The following TMEM131L variants were observed in gnomAD, a reference collection of about 807,000 sequenced individuals.
The protein encoded by TMEM131L is transmembrane 131 like.
TMEM131L carries 54 observed loss-of-function variants against 192.2 expected under a neutral mutation model. The observed-to-expected ratio is 0.28, with a 90% CI of 0.23 to 0.35. The LOEUF is 0.35. TMEM131L is among the 10% of genes least tolerant of loss of function. The pLI is 1.00. For synonymous variants in TMEM131L, 701 were observed against 704.9 expected (o/e 0.99, Z 0.09); for missense variants, 1,888 against 1,972.9 (o/e 0.96, Z 0.82).
chr4:153,635,413 A>G lies in TMEM131L; in HGVS notation c.4418-19A>G. ...AATGAAAATGTTTACCTATGATGAT[A>G]TTCTCCCATTCTTTGTAGAAAACAT... On this transcript the variant is annotated intron_variant, in intron 33 of 34. Coordinates refer to ENST00000409959, the MANE Select transcript of TMEM131L (RefSeq NM_001131007.2). The G allele has an allele frequency of 2.5e-6, 4 of 1,611,524 alleles. No individual in the cohort carries two copies. In the South Asian group the frequency reaches 4.4e-5, roughly 18 times the overall value.
chr4:153,500,148 T>C (rs1352352112), intron 3 of TMEM131L, among the ~76,000 whole-genome samples: 1 of 151,730 alleles, frequency 6.6e-6, no homozygotes, highest in African/African-American at 2.4e-5. Context: ...TTACCCAGGC[T>C]GGAGTGCAAT....
chr4:153,635,430 A>G lies in TMEM131L; in HGVS notation c.4418-2A>G. ...ATGATGATATTCTCCCATTCTTTGT[A>G]GAAAACATGAACTATGCCAATGGCT... On this transcript the variant is annotated splice_acceptor_variant, in intron 33 of 34. Transcript: ENST00000409959. LOFTEE classifies it high-confidence loss of function. The G allele has an allele frequency of 6.2e-7, 1 of 1,613,444 alleles. No homozygotes were observed. The highest frequency in any genetic ancestry group is 8.5e-7 in the Non-Finnish European group (1 of 1,179,498).
At chr4:153,627,778 G>A (rs1021380918) in intron 31 of TMEM131L, 91 bp downstream of exon 31, 13 of 1,075,390 alleles carry the variant, frequency 1.2e-5, no homozygotes, top group Middle Eastern at 2.0e-4. Flanking sequence ...CAGAGCAGGC[G>A]GGGTGGGACA....
intron 15 of TMEM131L, among the ~76,000 whole-genome samples, chr4:153,588,435 CCAGTTATAAACA>C (rs2150807270): frequency 6.7e-6 from 1 of 149,638 alleles, no homozygotes; most frequent in South Asian, 2.1e-4. Context: ...GAACAATAGA[CCAGTTATAAACA>C]TGCATCTTCT....
chr4:153,546,918 ACT>A (rs1326749304), intron 3 of TMEM131L, among the ~76,000 whole-genome samples: 1 of 152,158 alleles, frequency 6.6e-6, no homozygotes, highest in African/African-American at 2.4e-5. Flanking sequence ...CAAGAGTGAA[ACT>A]CTGTCTCAAA....
In TMEM131L at chr4:153,518,451, T is replaced by C. The variant is rs567817463; in HGVS notation, c.240-31622T>C. 2.0e-5 allele frequency among the ~76,000 whole-genome samples: 3 copies of C among 152,236 alleles called. No individual in the cohort carries two copies. The South Asian group carries it at 6.2e-4, about 32-fold the overall frequency. On this transcript the variant is annotated intron_variant, in intron 3 of 34. Transcript: ENST00000409959. ...GGCCTATGAAAATAAGATGCAGACA[T>C]CATACTTGAGAAACTGTTAATGGAA... is the stretch of plus-strand genomic sequence containing the variant.
chr4:153,530,205 G>A (rs770550755), intron 3 of TMEM131L, among the ~76,000 whole-genome samples: 4 of 152,102 alleles, frequency 2.6e-5, no homozygotes, highest in South Asian at 2.1e-4. Flanking sequence ...TCTTGGTAAC[G>A]TGATTATCAG....
At chr4:153,601,803 G>A (rs1464916070) in intron 21 of TMEM131L, among the ~76,000 whole-genome samples, 2 of 152,194 alleles carry the variant, frequency 1.3e-5, no homozygotes, top group Non-Finnish European at 2.9e-5. Flanking sequence ...GTGGCTTATA[G>A]TAAGTAAATC....
chr4:153,495,495 C>T (rs1193349643), intron 3 of TMEM131L, among the ~76,000 whole-genome samples: 1 of 152,018 alleles, frequency 6.6e-6, no homozygotes, highest in Non-Finnish European at 1.5e-5. Flanking sequence ...GCTTCCAGGT[C>T]ATAGGTGGGT....
chr4:153,539,379 A>C (rs1025496893), intron 3 of TMEM131L, among the ~76,000 whole-genome samples: 2 of 152,104 alleles, frequency 1.3e-5, no homozygotes, highest in African/African-American at 4.8e-5. Context: ...AGTAAATTAT[A>C]CTTTATGGGC....
At position 153,563,146 on chromosome 4, in the gene TMEM131L, T is replaced by A. The variant is rs373104891; in HGVS notation, c.660+4778T>A. Among the ~76,000 whole-genome samples the A allele has an allele frequency of 2.4e-4, 36 of 152,236 alleles. No individual in the cohort carries two copies. The East Asian group carries it at 6.6e-3, about 28-fold the overall frequency. On this transcript the variant is annotated intron_variant, in intron 7 of 34. Coordinates refer to ENST00000409959, the MANE Select transcript of TMEM131L (RefSeq NM_001131007.2). ...CCCTGAACATAAATAGTCTGGAAGG[T>A]GAAGGTTCCAAAATTTGCAGGTACT...
At chr4:153,489,767 C>T (rs528383917) in intron 3 of TMEM131L, among the ~76,000 whole-genome samples, 10 of 152,114 alleles carry the variant, frequency 6.6e-5, no homozygotes, top group Non-Finnish European at 1.0e-4. Flanking sequence ...TGAGCCACTG[C>T]GCCTGGCCCA....
At chr4:153,613,079 A>G (rs1295055235) in intron 26 of TMEM131L, among the ~76,000 whole-genome samples, 1 of 152,242 alleles carries the variant, frequency 6.6e-6, no homozygotes, top group Non-Finnish European at 1.5e-5. Context: ...AAATGTAAAC[A>G]AAGAATATTG....
At chr4:153,484,885 C>T (rs1324962547) in intron 3 of TMEM131L, among the ~76,000 whole-genome samples, 5 of 143,882 alleles carry the variant, frequency 3.5e-5, no homozygotes, top group Non-Finnish European at 4.6e-5. Flanking sequence ...TTTGGGAGGC[C>T]GAGGCGGGCG....
intron 3 of TMEM131L, among the ~76,000 whole-genome samples, chr4:153,503,933 A>G (rs1378251186): frequency 6.6e-6 from 1 of 152,192 alleles, no homozygotes; most frequent in Non-Finnish European, 1.5e-5. Context: ...TTGCTTTTAA[A>G]TATACTGTAT....
At chr4:153,469,801 C>T (rs907788335) in intron 2 of TMEM131L, among the ~76,000 whole-genome samples, 19 of 152,126 alleles carry the variant, frequency 1.2e-4, no homozygotes, top group African/African-American at 4.3e-4. Context: ...TGGTGCAGGC[C>T]TGTAATCCCA....
chr4:153,613,434 T>C (rs1732768691), intron 26 of TMEM131L, among the ~76,000 whole-genome samples: 1 of 152,194 alleles, frequency 6.6e-6, no homozygotes, highest in Non-Finnish European at 1.5e-5. Context: ...TCTTTCTCAG[T>C]AGAGAGCCAG....
chr4:153,624,702 G>A (rs1733705592), intron 29 of TMEM131L, among the ~76,000 whole-genome samples: 1 of 152,178 alleles, frequency 6.6e-6, no homozygotes, highest in Admixed American at 6.5e-5. Flanking sequence ...GTCAGTAGCT[G>A]AGTCTTGAAC....
Position 153,583,219 on chromosome 4 carries a change from C to T in TMEM131L, c.922C>T (p.His308Tyr), listed in dbSNP as rs777369247. The T allele has an allele frequency of 1.4e-6, 2 of 1,465,828 alleles. No homozygotes were observed. The highest frequency in any genetic ancestry group is 2.3e-5 in the East Asian group (1 of 44,138). The allele number at this position is 1,465,828 out of a possible 1,614,324, so 90.8% of individuals were successfully genotyped here. ...DDSAVNMYIL[H>Y]SGNSLIWIQD... ...TTCAGCAGTAAATATGTATATATTA[C>T]ATTCAGGAAACAGCCTTATATGGAT... Residue 308 changes from histidine (H) to tyrosine (Y), a missense_variant, in exon 10 of 35, where the codon CAT becomes TAT. By Grantham distance (83) the His-to-Tyr change is moderately conservative. Transcript: ENST00000409959.
Sources: allele counts gnomAD v4.1 joint callset (sites outside exome capture counted in the v4.1 genomes callset), GRCh38; gene constraint gnomAD v4.1.1; transcripts MANE v1.5; gene names NCBI Gene and HGNC (gene_info 2026-07-23, HGNC 2026-07-21).